Variants in CSPG4 observed in about 807,000 individuals in gnomAD.
The protein encoded by CSPG4 is chondroitin sulfate proteoglycan 4, also known as chondroitin sulfate proteoglycan 4 (melanoma-associated).
CSPG4 carries 74 observed loss-of-function variants against 139.3 expected under a neutral mutation model. That is an observed-to-expected ratio of 0.53 (90% CI 0.44 to 0.64). The LOEUF (loss-of-function observed/expected upper bound fraction) is 0.64. Among genes scored for constraint, CSPG4 ranks in the 30% least tolerant of loss-of-function variants. The probability of loss-of-function intolerance (pLI) is 0.00; values close to 1 mark genes in which losing one functional copy is unlikely to be tolerated. For synonymous variants in CSPG4, 1,234 were observed against 1,394.2 expected (o/e 0.89, Z 2.56); for missense variants, 2,565 against 3,148.3 (o/e 0.81, Z 4.43).
At position 75,690,402 on chromosome 15, in the gene CSPG4, C is replaced by T. The variant is rs769459426; in HGVS notation, c.663G>A (p.Gln221=). Residue 221 remains glutamine, a synonymous_variant, in exon 3 of 10, where the codon CAG becomes CAA. Coordinates refer to ENST00000308508, the MANE Select transcript of CSPG4 (RefSeq NM_001897.5). ...SLAAFPAWGT[Q]DEGTLEFTLT... is the part of the protein sequence containing the mutation. ...GTGTAAACTCTAGGGTTCCTTCGTC[C>T]TGAGTGCCCCAGGCAGGGAAGGCAG... 8.1e-6 allele frequency: 13 copies of T among 1,608,934 alleles called. No homozygotes were observed. Among genetic ancestry groups the T allele is most frequent in the Non-Finnish European group, 1.1e-5 (13 of 1,178,174 alleles).
In CSPG4 at chr15:75,698,257, A is replaced by G. The variant is rs951909407; in HGVS notation, c.89-5024T>C. Among the ~76,000 whole-genome samples the G allele has an allele frequency of 4.4e-4, 62 of 139,890 alleles. No individual in the cohort carries two copies. The highest frequency in any genetic ancestry group is 8.3e-4 in the Non-Finnish European group (54 of 64,806). 91.8% of individuals were successfully genotyped at this position (139,890 alleles called of 152,430 possible). On this transcript the variant is annotated intron_variant, in intron 1 of 9. Transcript: ENST00000308508. The surrounding 1 kb of genome is among the most constrained non-coding windows in gnomAD (Gnocchi z 4.3). ...GTCTGAGGGGGCTGTGGGATGGGGT[A>G]TTCTGGGAGGGCCAAGGCCGGGATG...
Position 75,677,032 on chromosome 15 carries a change from A to C in CSPG4, c.5487T>G (p.Asn1829Lys), listed in dbSNP as rs1426404541. Residue 1829 changes from asparagine to lysine, a missense_variant, in exon 10 of 10, where the codon AAT (asparagine) becomes AAG (lysine). By Grantham distance (94) the Asn-to-Lys change is moderately conservative (BLOSUM62 0). This residue lies in a region of CSPG4 where 2,316 missense variants were observed against 2,818.2 expected (regional missense o/e 0.82). Transcript: ENST00000308508. ...AGGCCTGTGGCTGAGGGGGCCGCTC[A>C]TTTACATCCCTCACCGTGATGGCAA... ...EAFAITVRDVNERPPQPQASV... is the reference protein window; with the variant it reads ...EAFAITVRDVKERPPQPQASV... The C allele has an allele frequency of 1.1e-5, 16 of 1,432,882 alleles. No homozygotes were observed. The highest frequency in any genetic ancestry group is 1.1e-5 in the Non-Finnish European group (12 of 1,086,720). 88.8% of individuals were successfully genotyped at this position (1,432,882 alleles called of 1,614,324 possible).
In CSPG4 at chr15:75,684,853, A is replaced by G. The variant is rs539822185; in HGVS notation, c.4332T>C (p.Phe1444=). ...TCTCGGAGGCATTAGCCATCAGGAC[A>G]AAACTGTCTGTCAGTGTCTCGCTCC... The part of the protein sequence containing the change: ...HDGSETLTDS[F]VLMANASEMD... The change falls in exon 5 of 10, where the codon TTT becomes TTC. Residue 1444 remains phenylalanine (F), a synonymous_variant. Transcript: ENST00000308508. 9 of 1,613,588 alleles carry G rather than the reference A, an allele frequency of 5.6e-6. No homozygotes were observed. The highest frequency in any genetic ancestry group is 5.5e-5 in the South Asian group (5 of 91,072).
intron 8 of CSPG4, 61 bp downstream of exon 8, chr15:75,682,232 G>A: frequency 1.9e-6 from 3 of 1,577,952 alleles, no homozygotes; most frequent in Non-Finnish European, 2.6e-6. Context: ...TGATGTCCAT[G>A]GCACAGCGGC....
chr15:75,684,542 C>A (rs1894024711), intron 5 of CSPG4, among the ~76,000 whole-genome samples, 194 bp downstream of exon 5: 2 of 152,262 alleles, frequency 1.3e-5, no homozygotes, highest in Non-Finnish European at 2.9e-5. Flanking sequence ...AATAAAAAAA[C>A]TTCCCACCTG....
Position 75,682,656 on chromosome 15 carries a change from C to T in CSPG4, c.4734G>A (p.Lys1578=). Residue 1578 remains lysine, a synonymous_variant, in exon 7 of 10, where the codon AAG becomes AAA. Coordinates refer to ENST00000308508, the MANE Select transcript of CSPG4 (RefSeq NM_001897.5). The part of the protein sequence containing the change: ...PGHFFRVTAQ[K]QVLLSLKGSQ... Reference sequence around the variant, plus strand: ...TGCCCTTCAGCGAGAGGAGCACTTGCTTCTGGGCCGTCACTCGGAAGAAGT... The same window carrying T: ...TGCCCTTCAGCGAGAGGAGCACTTGTTTCTGGGCCGTCACTCGGAAGAAGT... 1 of 1,613,172 alleles carries T rather than the reference C, an allele frequency of 6.2e-7. No homozygotes were observed. The highest frequency in any genetic ancestry group is 8.5e-7 in the Non-Finnish European group (1 of 1,180,026).
Position 75,689,495 on chromosome 15 carries a change from C to T in CSPG4, c.1570G>A (p.Val524Met), listed in dbSNP as rs1894126450. ...GAGGGCATGGGCACCCGAGCCGTCA[C>T]CGACACCTCCAGCACCAGCTGGTCG... ...TSDQLVLEVS[V>M]TARVPMPSCL... Residue 524 changes from valine (V) to methionine (M), a missense_variant, in exon 3 of 10, where the codon GTG becomes ATG. By Grantham distance (21) the Val-to-Met change is conservative (BLOSUM62 1). Coordinates refer to ENST00000308508, the MANE Select transcript of CSPG4 (RefSeq NM_001897.5). 6.2e-7 allele frequency: 1 copy of T among 1,612,832 alleles called. No individual in the cohort carries two copies. The highest frequency in any genetic ancestry group is 8.5e-7 in the Non-Finnish European group (1 of 1,179,870).
intron 1 of CSPG4, among the ~76,000 whole-genome samples, chr15:75,707,432 A>C (rs1894388339): frequency 6.6e-6 from 1 of 152,242 alleles, no homozygotes; most frequent in Non-Finnish European, 1.5e-5. Context: ...ATATTCCAAA[A>C]GCCAAAAAAT....
At position 75,687,848 on chromosome 15, in the gene CSPG4, C is replaced by T. The variant is rs200061618; in HGVS notation, c.3217G>A (p.Glu1073Lys). 1.5e-5 allele frequency: 24 copies of T among 1,612,910 alleles called. No homozygotes were observed. The Middle Eastern group carries it at 6.6e-4, about 44-fold the overall frequency. ...LLFGSIVAVD[E>K]PTRPIYRFTQ... ...AAGCGGTAGATGGGCCGCGTGGGCT[C>T]ATCTACGGCCACGATACTGCCAAAG... The change falls in exon 3 of 10, where the codon GAG (glutamate) becomes AAG (lysine). Residue 1073 changes from glutamate to lysine, a missense_variant. Around this residue, in one of 5 missense-constraint regions of CSPG4, gnomAD observed 2,316 missense variants for 2,818.2 expected, o/e 0.82. Coordinates refer to ENST00000308508, the MANE Select transcript of CSPG4 (RefSeq NM_001897.5). The surrounding 1 kb of genome is among the most constrained non-coding windows in gnomAD (Gnocchi z 5.4).
intron 8 of CSPG4, chr15:75,679,394 A>G (rs563078177): frequency 6.6e-6 from 1 of 152,460 alleles, no homozygotes; most frequent in South Asian, 2.1e-4. Context: ...TCCCCCGCCC[A>G]TTACATTTTG....
intron 1 of CSPG4, among the ~76,000 whole-genome samples, chr15:75,701,208 G>A (rs946965140): frequency 1.8e-4 from 27 of 152,196 alleles, no homozygotes; most frequent in Non-Finnish European, 3.2e-4. Context: ...TTGAGGACAG[G>A]ACCAGGGCCC....
intron 1 of CSPG4, among the ~76,000 whole-genome samples, chr15:75,703,721 A>G (rs977695789): frequency 1.5e-5 from 2 of 136,214 alleles, no homozygotes; most frequent in African/African-American, 5.8e-5. Context: ...TCACAAGCTA[A>G]GGCTATGGCC....
Position 75,688,325 on chromosome 15 carries a change from C to T in CSPG4, c.2740G>A (p.Glu914Lys). 6.2e-7 allele frequency: 1 copy of T among 1,613,290 alleles called. No individual in the cohort carries two copies. The highest frequency in any genetic ancestry group is 8.5e-7 in the Non-Finnish European group (1 of 1,180,048). ...AGGTGGTCAGCAGAGAGGACACCCTCACCACCCTCAGGCACCACGAGGAGG... is the reference window on the plus strand; with the variant it reads ...AGGTGGTCAGCAGAGAGGACACCCTTACCACCCTCAGGCACCACGAGGAGG... ...NVLLVVPEGG[E>K]GVLSADHLFV... The change falls in exon 3 of 10, where the codon GAG (glutamate) becomes AAG (lysine). Residue 914 changes from glutamate to lysine, a missense_variant. By Grantham distance (56) the Glu-to-Lys change is moderately conservative. Coordinates refer to ENST00000308508, the MANE Select transcript of CSPG4 (RefSeq NM_001897.5).
intron 1 of CSPG4, among the ~76,000 whole-genome samples, chr15:75,693,809 G>A (rs540536227): frequency 6.6e-5 from 10 of 152,362 alleles, no homozygotes; most frequent in African/African-American, 1.9e-4. Context: ...TCTGGGGGTG[G>A]TGTCAGCATG....
rs755690232 is a variant in CSPG4 at position 75,687,629 on chromosome 15, C to T, written c.3436G>A (p.Asp1146Asn). The change falls in exon 3 of 10, where the codon GAC becomes AAC. Residue 1146 changes from aspartate (D) to asparagine (N), a missense_variant. Around this residue, in one of 5 missense-constraint regions of CSPG4, gnomAD observed 2,316 missense variants for 2,818.2 expected, o/e 0.82. Coordinates refer to ENST00000308508, the MANE Select transcript of CSPG4 (RefSeq NM_001897.5). The surrounding 1 kb of genome is among the most constrained non-coding windows in gnomAD (Gnocchi z 5.4). ...GTGTCCAGGTGGAGCACGGCCGTGT[C>T]GATGGTGCCCTGGCCTCCTTGAGGG... is the stretch of plus-strand genomic sequence containing the variant. The part of the protein sequence containing the change: ...VVPQGGQGTI[D>N]TAVLHLDTNL... 18 of 1,612,144 alleles carry T rather than the reference C, an allele frequency of 1.1e-5. No homozygotes were observed. The highest frequency in any genetic ancestry group is 1.7e-5 in the Admixed American group (1 of 59,940).
rs12324325 is a variant in CSPG4 at position 75,709,313 on chromosome 15, G to A, written c.88+3355C>T. Among the ~76,000 whole-genome samples the A allele has an allele frequency of 5.1e-3, 776 of 152,262 alleles. 6 individuals carry two copies. Among genetic ancestry groups the A allele is most frequent in the African/African-American group, 0.018 (737 of 41,540 alleles). On this transcript the variant is annotated intron_variant, in intron 1 of 9. Coordinates refer to ENST00000308508, the MANE Select transcript of CSPG4 (RefSeq NM_001897.5). ...TGAACTGACATATGCTGGGGCGGAG[G>A]GCATGTTGGAGGCAAGAGGAGAGCT...
chr15:75,711,495 G>A (rs1894446328), intron 1 of CSPG4, among the ~76,000 whole-genome samples: 1 of 152,206 alleles, frequency 6.6e-6, no homozygotes, highest in Admixed American at 6.5e-5. Flanking sequence ...CATCCCTCAG[G>A]CCCTGAGATC....
At position 75,698,823 on chromosome 15, in the gene CSPG4, C is replaced by T. The variant is rs1596012173; in HGVS notation, c.89-5590G>A. 6.6e-6 allele frequency among the ~76,000 whole-genome samples: 1 copy of T among 152,176 alleles called. No homozygotes were observed. The highest frequency in any genetic ancestry group is 1.9e-4 in the East Asian group (1 of 5,182). The stretch of plus-strand genomic sequence containing the variant: ...CACTGAGCTATCACCTTCACCCAAC[C>T]CTGTTACTCTGAGGGTAACAAGGGG... On this transcript the variant is annotated intron_variant, in intron 1 of 9. Coordinates refer to ENST00000308508, the MANE Select transcript of CSPG4 (RefSeq NM_001897.5). The surrounding 1 kb of genome is among the most constrained non-coding windows in gnomAD (Gnocchi z 4.3).
chr15:75,678,343 TTTAA>T lies in CSPG4; in HGVS notation c.4951-461_4951-458del, dbSNP rs57332159. On this transcript the variant is annotated intron_variant, in intron 8 of 9. Coordinates refer to ENST00000308508, the MANE Select transcript of CSPG4 (RefSeq NM_001897.5). ...TTTTGTCTCACTTACATTAAAGCTATTTAATTAATTATTATTATTATTATTTTGA... is the reference window on the plus strand; with the variant it reads ...TTTTGTCTCACTTACATTAAAGCTATTTAATTATTATTATTATTATTTTGA... Among the ~76,000 whole-genome samples, 1,117 of 152,260 alleles carry T rather than the reference TTTAA, an allele frequency of 7.3e-3. 13 individuals carry two copies. The highest frequency in any genetic ancestry group is 0.025 in the African/African-American group (1,045 of 41,538).
Sources: gnomAD v4.1 joint callset for allele counts (sites outside exome capture counted in the v4.1 genomes callset) on GRCh38, gnomAD v4.1.1 for gene constraint, gnomAD v4.1.1 regional missense constraint, Gnocchi (gnomAD v3.1) non-coding constraint, MANE v1.5 for transcripts, NCBI Gene and HGNC (gene_info 2026-07-23, HGNC 2026-07-21) for gene names.